PCDH7: variants seen among roughly 807,000 people sequenced by gnomAD.
PCDH7 encodes the protein protocadherin-7.
Under a neutral mutation model 58.9 loss-of-function variants are expected in PCDH7, and 17 were observed. That is an observed-to-expected ratio of 0.29 (90% CI 0.20 to 0.43). The LOEUF is 0.43. Ranked by LOEUF, PCDH7 falls within the 20% of genes least tolerant of loss-of-function variation. PCDH7 has a pLI of 1.00. For missense variants in PCDH7, 1,274 were observed against 1,441.0 expected, an observed-to-expected ratio of 0.88 and a Z score of 1.88; for synonymous variants, 664 against 616.4, an observed-to-expected ratio of 1.08 and a Z score of -1.14.
chr4:30,951,855 T>C (rs1300160532), intron 3 of PCDH7, among the ~76,000 whole-genome samples: 1 of 152,180 alleles, frequency 6.6e-6, no homozygotes, highest in Non-Finnish European at 1.5e-5. Context: ...AAAGCAGTAC[T>C]CTCGTTCATG....
At chr4:31,039,288 A>G (rs949122736) in intron 3 of PCDH7, among the ~76,000 whole-genome samples, 3 of 152,372 alleles carry the variant, frequency 2.0e-5, no homozygotes, top group South Asian at 2.1e-4. Context: ...GAGCTGCTCT[A>G]AAGGCTGAAA....
intron 3 of PCDH7, among the ~76,000 whole-genome samples, chr4:31,103,567 A>G (rs1459973111): frequency 6.6e-6 from 1 of 151,956 alleles, no homozygotes; most frequent in East Asian, 1.9e-4. Context: ...CAACCTCCTG[A>G]CCTCAAGTGA....
chr4:31,066,503 T>C (rs934172832), intron 3 of PCDH7, among the ~76,000 whole-genome samples: 1 of 151,920 alleles, frequency 6.6e-6, no homozygotes, highest in African/African-American at 2.4e-5. Context: ...GATGGGAATT[T>C]AGTTTGGGTG....
chr4:31,113,249 A>G (rs1459057205), intron 3 of PCDH7, among the ~76,000 whole-genome samples: 1 of 152,182 alleles, frequency 6.6e-6, no homozygotes, highest in Non-Finnish European at 1.5e-5. Context: ...AAATAAATGA[A>G]CTTCCATTTC....
intron 3 of PCDH7, among the ~76,000 whole-genome samples, chr4:31,122,221 C>G (rs1251350973): frequency 1.3e-5 from 2 of 152,092 alleles, no homozygotes; most frequent in Non-Finnish European, 2.9e-5. Context: ...CACACCAAAT[C>G]CCCACGTGCT....
intron 3 of PCDH7, among the ~76,000 whole-genome samples, chr4:31,011,694 C>G (rs371338600): frequency 6.3e-4 from 96 of 152,104 alleles, no homozygotes; most frequent in African/African-American, 2.2e-3. Context: ...TTCATCAACT[C>G]TCAACTTTAA....
At chr4:30,774,452 A>C (rs1193268971) in intron 1 of PCDH7, among the ~76,000 whole-genome samples, 3 of 152,202 alleles carry the variant, frequency 2.0e-5, no homozygotes, top group Non-Finnish European at 2.9e-5. Context: ...TTATTACAGA[A>C]AAAAATTCTT....
At chr4:31,085,383 A>T (rs547505511) in intron 3 of PCDH7, among the ~76,000 whole-genome samples, 1 of 152,246 alleles carries the variant, frequency 6.6e-6, no homozygotes, top group South Asian at 2.1e-4. Context: ...CTAAGCCATA[A>T]TATCTCATCT....
chr4:30,765,983 A>C (rs1223943776), intron 1 of PCDH7, among the ~76,000 whole-genome samples: 1 of 152,078 alleles, frequency 6.6e-6, no homozygotes, highest in East Asian at 1.9e-4. Flanking sequence ...GGAAGAGCCA[A>C]ATTCCCTTAA....
intron 1 of PCDH7, among the ~76,000 whole-genome samples, chr4:30,795,925 T>C (rs1724717451): frequency 6.7e-6 from 1 of 150,032 alleles, no homozygotes; most frequent in East Asian, 1.9e-4. Flanking sequence ...ATAGAAACTA[T>C]TTATTAAAAC....
intron 3 of PCDH7, among the ~76,000 whole-genome samples, chr4:31,031,714 T>C (rs959694260): frequency 6.6e-5 from 10 of 152,216 alleles, no homozygotes; most frequent in African/African-American, 2.4e-4. Context: ...TTTTAAAAAT[T>C]TCTTTCCATC....
At chr4:31,092,993 G>T (rs1366183508) in intron 3 of PCDH7, among the ~76,000 whole-genome samples, 1 of 152,010 alleles carries the variant, frequency 6.6e-6, no homozygotes, top group Non-Finnish European at 1.5e-5. Context: ...CCATTTTAAA[G>T]CTTTGTCTGA....
chr4:30,825,460 T>C (rs1728978991), intron 1 of PCDH7, among the ~76,000 whole-genome samples: 1 of 152,158 alleles, frequency 6.6e-6, no homozygotes, highest in South Asian at 2.1e-4. Flanking sequence ...GATAGATCAA[T>C]GCCACATTAA....
At chr4:30,825,363 A>G (rs1728962842) in intron 1 of PCDH7, among the ~76,000 whole-genome samples, 1 of 152,182 alleles carries the variant, frequency 6.6e-6, no homozygotes, top group Non-Finnish European at 1.5e-5. Flanking sequence ...ATGTTTTGAT[A>G]GAACTAAACT....
intron 1 of PCDH7, among the ~76,000 whole-genome samples, chr4:30,824,916 G>A (rs895053970): frequency 8.5e-5 from 13 of 152,088 alleles, no homozygotes; most frequent in Admixed American, 2.0e-4. Context: ...GTGGCACAGA[G>A]GCTGGAGTGG....
At chr4:30,880,871 T>A (rs1736874096) in intron 1 of PCDH7, among the ~76,000 whole-genome samples, 1 of 152,142 alleles carries the variant, frequency 6.6e-6, no homozygotes, top group Non-Finnish European at 1.5e-5. Flanking sequence ...CAGAGTCTTG[T>A]CAGGAGTATG....
intron 1 of PCDH7, among the ~76,000 whole-genome samples, chr4:30,835,473 C>T (rs2109334056): frequency 6.6e-6 from 1 of 152,262 alleles, no homozygotes; most frequent in East Asian, 1.9e-4. Context: ...CAAAAGCCAT[C>T]TCCCACCCAC....
intron 1 of PCDH7, among the ~76,000 whole-genome samples, chr4:30,789,298 C>A (rs1723809599): frequency 6.6e-6 from 1 of 152,130 alleles, no homozygotes; most frequent in Non-Finnish European, 1.5e-5. Context: ...AAGGATTGAT[C>A]AGCACATGAA....
intron 1 of PCDH7, among the ~76,000 whole-genome samples, chr4:30,797,267 T>G (rs192783892): frequency 3.3e-4 from 50 of 151,178 alleles, no homozygotes; most frequent in African/African-American, 1.0e-3. Flanking sequence ...TGTTTGGTTT[T>G]GTTTGGTTTG....
Sources: allele counts gnomAD v4.1 joint callset (sites outside exome capture counted in the v4.1 genomes callset), GRCh38; gene constraint gnomAD v4.1.1; transcripts MANE v1.5; gene names NCBI Gene and HGNC (gene_info 2026-07-23, HGNC 2026-07-21).